Variants in TDRD5 observed in about 807,000 individuals in gnomAD.
TDRD5 encodes tudor domain containing 5.
In TDRD5, 41 loss-of-function variants were observed where a neutral mutation model predicts 120.6. The observed-to-expected ratio is 0.34, with a 90% CI of 0.26 to 0.44. TDRD5 has a LOEUF of 0.44. Ranked by LOEUF, TDRD5 falls within the 20% of genes least tolerant of loss-of-function variation. The pLI is 1.00. For synonymous variants in TDRD5, 430 were observed against 433.7 expected, an observed-to-expected ratio of 0.99 and a Z score of 0.11; for missense variants, 1,006 against 1,221.2, an observed-to-expected ratio of 0.82 and a Z score of 2.63.
At chr1:179,621,211 GT>G (rs1676827049) in intron 6 of TDRD5, 120 bp downstream of exon 6, 1 of 794,588 alleles carries the variant, frequency 1.3e-6, no homozygotes, top group East Asian at 2.9e-5. Flanking sequence ...GAAACATTTT[GT>G]TTTGCATTTT....
intron 4 of TDRD5, among the ~76,000 whole-genome samples, chr1:179,597,454 C>T (rs1047533505): frequency 1.3e-5 from 2 of 151,218 alleles, no homozygotes; most frequent in Non-Finnish European, 2.9e-5. Context: ...GCCTCAGCCT[C>T]CTGAGTAGCT....
At chr1:179,629,483 A>G (rs900141411) in intron 6 of TDRD5, among the ~76,000 whole-genome samples, 3 of 152,240 alleles carry the variant, frequency 2.0e-5, no homozygotes, top group East Asian at 1.9e-4. Context: ...AAGAATGAAG[A>G]TAGAAGTCAC....
chr1:179,643,372 G>A (rs1678159006), intron 11 of TDRD5, among the ~76,000 whole-genome samples: 1 of 152,146 alleles, frequency 6.6e-6, no homozygotes. Context: ...GAAAAACGTA[G>A]TTGGTAGAAA....
At chr1:179,603,850 T>C (rs555370016) in intron 4 of TDRD5, among the ~76,000 whole-genome samples, 2 of 152,306 alleles carry the variant, frequency 1.3e-5, no homozygotes, top group African/African-American at 2.4e-5. Context: ...TTTTTTGTTA[T>C]GTCCTTTCAT....
At chr1:179,641,278 C>T (rs1440600341) in intron 11 of TDRD5, among the ~76,000 whole-genome samples, 1 of 151,816 alleles carries the variant, frequency 6.6e-6, no homozygotes, top group African/African-American at 2.4e-5. Flanking sequence ...GCCTGTAATC[C>T]CAGCACTTTG....
intron 11 of TDRD5, among the ~76,000 whole-genome samples, chr1:179,642,845 A>G (rs999769613): frequency 6.6e-6 from 1 of 152,196 alleles, no homozygotes. Context: ...GCAACAGACT[A>G]TTATGCCCAT....
chr1:179,622,446 A>G (rs1404874276), intron 6 of TDRD5, among the ~76,000 whole-genome samples: 1 of 152,208 alleles, frequency 6.6e-6, no homozygotes, highest in Non-Finnish European at 1.5e-5. Flanking sequence ...AGAAAAGGTG[A>G]TCAATGGAAA....
chr1:179,632,469 G>A (rs1284852258), intron 7 of TDRD5, among the ~76,000 whole-genome samples: 2 of 148,978 alleles, frequency 1.3e-5, no homozygotes, highest in African/African-American at 5.0e-5. Flanking sequence ...TGTTCATTCT[G>A]AATATATATA....
At chr1:179,592,295 G>A in intron 1 of TDRD5, 170 bp downstream of exon 1, 1 of 295,184 alleles carries the variant, frequency 3.4e-6, no homozygotes, top group South Asian at 3.7e-5. Context: ...CCTGGTTCCC[G>A]AGGAGCCCCT....
At chr1:179,671,021 T>C (rs1679830020) in intron 17 of TDRD5, among the ~76,000 whole-genome samples, 2 of 152,248 alleles carry the variant, frequency 1.3e-5, no homozygotes, top group Admixed American at 1.3e-4. Context: ...CAAGTTAATA[T>C]TTGTATAGGG....
chr1:179,637,752 C>T (rs1231274950), intron 9 of TDRD5, among the ~76,000 whole-genome samples: 2 of 151,788 alleles, frequency 1.3e-5, no homozygotes, highest in South Asian at 2.1e-4. Flanking sequence ...CTGTGTGCTT[C>T]GTGTCAGAAT....
At chr1:179,600,255 A>G (rs1675635799) in intron 4 of TDRD5, among the ~76,000 whole-genome samples, 1 of 152,212 alleles carries the variant, frequency 6.6e-6, no homozygotes, top group Non-Finnish European at 1.5e-5. Context: ...AGAGCAACGT[A>G]CAACCCTGCA....
intron 9 of TDRD5, among the ~76,000 whole-genome samples, chr1:179,636,266 T>C (rs1677761647): frequency 1.3e-5 from 2 of 152,100 alleles, no homozygotes; most frequent in Non-Finnish European, 2.9e-5. Context: ...CAATGTGTAG[T>C]CTGGGAAAAA....
intron 4 of TDRD5, among the ~76,000 whole-genome samples, chr1:179,608,162 C>T (rs995577786): frequency 6.6e-6 from 1 of 151,852 alleles, no homozygotes; most frequent in South Asian, 2.1e-4. Context: ...TAATTCTTAT[C>T]TTTGTTCTGT....
chr1:179,619,337 T>TG, intron 5 of TDRD5, among the ~76,000 whole-genome samples: 1 of 152,310 alleles, frequency 6.6e-6, no homozygotes, highest in Middle Eastern at 3.4e-3. Flanking sequence ...AATTGCCTGT[T>TG]TATGTCATTA....
intron 5 of TDRD5, 125 bp downstream of exon 5, chr1:179,618,807 C>A: frequency 3.2e-6 from 2 of 621,838 alleles, no homozygotes; most frequent in Non-Finnish European, 4.9e-6. Context: ...AACTAAGCAA[C>A]AATTCTTTTA....
chr1:179,687,645 T>G (rs1680801053), intron 17 of TDRD5, among the ~76,000 whole-genome samples: 1 of 152,196 alleles, frequency 6.6e-6, no homozygotes, highest in Non-Finnish European at 1.5e-5. Context: ...CAGTGGGGTG[T>G]TAAAGTCTCC....
At chr1:179,641,672 T>G (rs780624386) in intron 11 of TDRD5, among the ~76,000 whole-genome samples, 8 of 152,242 alleles carry the variant, frequency 5.3e-5, no homozygotes, top group Non-Finnish European at 1.0e-4. Flanking sequence ...TGGTGTGGTT[T>G]TCAGCATTAC....
At chr1:179,612,477 A>C (rs1676333718) in intron 4 of TDRD5, among the ~76,000 whole-genome samples, 1 of 152,216 alleles carries the variant, frequency 6.6e-6, no homozygotes, top group South Asian at 2.1e-4. Context: ...GAAGCCTCAG[A>C]TGCTGTGTCC....
Sources: gnomAD v4.1 joint callset for allele counts (sites outside exome capture counted in the v4.1 genomes callset) on GRCh38, gnomAD v4.1.1 for gene constraint, MANE v1.5 for transcripts, NCBI Gene and HGNC (gene_info 2026-07-23, HGNC 2026-07-21) for gene names.